LOC122539214: variants seen among roughly 807,000 people sequenced by gnomAD.
the LOC122539214 span, among the ~76,000 whole-genome samples, chr19:52,677,516 A>C: frequency 6.6e-6 from 1 of 151,794 alleles, no homozygotes; most frequent in Non-Finnish European, 1.5e-5. Context: ...AGATCCAAAA[A>C]ATCAGCAGTA....
the LOC122539214 span, among the ~76,000 whole-genome samples, chr19:52,659,018 G>T: frequency 6.6e-6 from 1 of 152,174 alleles, no homozygotes; most frequent in South Asian, 2.1e-4. Context: ...CACCCAGCAG[G>T]ACTGGCAAAG....
At chr19:52,657,088 C>A in the LOC122539214 span, among the ~76,000 whole-genome samples, 1 of 152,036 alleles carries the variant, frequency 6.6e-6, no homozygotes, top group Non-Finnish European at 1.5e-5. Context: ...TGCACTCCAG[C>A]CTGGGGGACA....
At chr19:52,654,712 C>T in the LOC122539214 span, among the ~76,000 whole-genome samples, 33 of 151,358 alleles carry the variant, frequency 2.2e-4, no homozygotes, top group East Asian at 4.4e-3. Flanking sequence ...AGCAAAATTC[C>T]ATGTCAAACA....
chr19:52,683,254 G>C, the LOC122539214 span, among the ~76,000 whole-genome samples: 1 of 144,586 alleles, frequency 6.9e-6, no homozygotes, highest in East Asian at 2.1e-4. Flanking sequence ...GTGTGTGTGT[G>C]TGTGTGTGTG....
chr19:52,659,324 G>C, the LOC122539214 span, among the ~76,000 whole-genome samples: 1 of 152,140 alleles, frequency 6.6e-6, no homozygotes, highest in South Asian at 2.1e-4. Context: ...TGAGTAATCA[G>C]TAAGTCATTG....
chr19:52,669,184 C>G, the LOC122539214 span, among the ~76,000 whole-genome samples: 1 of 152,212 alleles, frequency 6.6e-6, no homozygotes, highest in Non-Finnish European at 1.5e-5. Flanking sequence ...CTATCCCTTT[C>G]ACCCTGGCAT....
the LOC122539214 span, among the ~76,000 whole-genome samples, chr19:52,671,383 T>C: frequency 6.6e-6 from 1 of 152,352 alleles, no homozygotes; most frequent in South Asian, 2.1e-4. Context: ...TATTGTAATA[T>C]TAAATTCACT....
the LOC122539214 span, among the ~76,000 whole-genome samples, chr19:52,663,551 G>A: frequency 6.6e-6 from 1 of 152,264 alleles, no homozygotes; most frequent in South Asian, 2.1e-4. Flanking sequence ...GAAAGAAAAT[G>A]GAGTAATAGG....
chr19:52,654,288 G>A, the LOC122539214 span: 1 of 1,539,130 alleles, frequency 6.5e-7, no homozygotes, highest in Non-Finnish European at 9.0e-7. Flanking sequence ...TTTCTGGGAA[G>A]CAAAAATCTC....
chr19:52,687,926 G>C, the LOC122539214 span, among the ~76,000 whole-genome samples: 1 of 151,864 alleles, frequency 6.6e-6, no homozygotes, highest in African/African-American at 2.4e-5. Context: ...GAAAAGGGAA[G>C]AGAGTAACTT....
the LOC122539214 span, chr19:52,655,695 TA>T: frequency 2.9e-6 from 3 of 1,020,980 alleles, no homozygotes; most frequent in Non-Finnish European, 3.0e-6. Flanking sequence ...TCCCTAAAAT[TA>T]AACACACATT....
the LOC122539214 span, chr19:52,651,436 A>G: frequency 6.6e-6 from 1 of 152,212 alleles, no homozygotes; most frequent in African/African-American, 2.4e-5. Flanking sequence ...GTGTATATCT[A>G]TGCTCCAGTA....
the LOC122539214 span, among the ~76,000 whole-genome samples, chr19:52,675,012 C>T: frequency 7.9e-5 from 12 of 152,152 alleles, no homozygotes; most frequent in African/African-American, 1.7e-4. Context: ...TGAGCCACCA[C>T]GGCCAGCTAC....
At chr19:52,668,259 T>G in the LOC122539214 span, among the ~76,000 whole-genome samples, 1 of 152,094 alleles carries the variant, frequency 6.6e-6, no homozygotes, top group Non-Finnish European at 1.5e-5. Context: ...CTGAGACTGC[T>G]GTTCATACAG....
At chr19:52,652,171 G>T in the LOC122539214 span, 1 of 228,066 alleles carries the variant, frequency 4.4e-6, no homozygotes. Context: ...GGGCGTGGTG[G>T]CTCATGCCTG....
the LOC122539214 span, among the ~76,000 whole-genome samples, chr19:52,681,493 T>C: frequency 1.3e-5 from 2 of 152,148 alleles, no homozygotes; most frequent in Admixed American, 1.3e-4. Flanking sequence ...AATAACATTT[T>C]TGAATGCTTC....
At chr19:52,687,584 A>G in the LOC122539214 span, among the ~76,000 whole-genome samples, 4 of 37,326 alleles carry the variant, frequency 1.1e-4, no homozygotes, top group African/African-American at 8.2e-4. Context: ...AATTTTATAT[A>G]TATATATATA....
At chr19:52,680,235 C>T in the LOC122539214 span, among the ~76,000 whole-genome samples, 3 of 152,064 alleles carry the variant, frequency 2.0e-5, no homozygotes, top group African/African-American at 7.2e-5. Context: ...GAACACATAA[C>T]CAGGCAGAGC....
chr19:52,669,819 A>G, the LOC122539214 span, among the ~76,000 whole-genome samples: 1 of 152,234 alleles, frequency 6.6e-6, no homozygotes, highest in South Asian at 2.1e-4. Flanking sequence ...GCAGAGGCTC[A>G]TAAAAATGGC....
Sources: gnomAD v4.1 joint callset for allele counts (sites outside exome capture counted in the v4.1 genomes callset) on GRCh38, gnomAD v4.1.1 for gene constraint, MANE v1.5 for transcripts.